Variants in FOCAD observed in about 807,000 individuals in gnomAD.
FOCAD encodes focadhesin, also known as KIAA1797.
Under a neutral mutation model 225.6 loss-of-function variants are expected in FOCAD, and 198 were observed. The ratio of observed to expected loss-of-function variants is 0.88; its 90% CI spans 0.78 to 0.99. The LOEUF (loss-of-function observed/expected upper bound fraction) is 0.99, where lower values mean the gene tolerates loss of function less well. Ranked by LOEUF, FOCAD falls within the 50% of genes least tolerant of loss-of-function variation. The pLI is 0.00. For synonymous variants in FOCAD, 897 were observed against 755.0 expected (o/e 1.19, Z -3.08); for missense variants, 2,713 against 2,123.6 (o/e 1.28, Z -5.46).
chr9:20,963,021 C>T (rs183432221), intron 35 of FOCAD, among the ~76,000 whole-genome samples: 1 of 152,166 alleles, frequency 6.6e-6, no homozygotes, highest in Non-Finnish European at 1.5e-5. Context: ...TCTTTCCATA[C>T]CTCCTCCAGA....
At chr9:20,962,876 G>GA (rs1199247939) in intron 35 of FOCAD, among the ~76,000 whole-genome samples, 1 of 152,102 alleles carries the variant, frequency 6.6e-6, no homozygotes, top group Non-Finnish European at 1.5e-5. Context: ...AAACTTGTTT[G>GA]AAAGACAAAG....
chr9:20,696,524 C>G (rs1415664539), intron 1 of FOCAD, among the ~76,000 whole-genome samples: 1 of 152,182 alleles, frequency 6.6e-6, no homozygotes, highest in African/African-American at 2.4e-5. Flanking sequence ...TTGCCATTGG[C>G]CAGGTGCTGT....
chr9:20,933,040 T>G lies in FOCAD; in HGVS notation c.3344T>G (p.Leu1115Arg), dbSNP rs1390973650. 1 of 1,613,852 alleles carries G rather than the reference T, an allele frequency of 6.2e-7. No individual in the cohort carries two copies. The highest frequency in any genetic ancestry group is 2.2e-5 in the East Asian group (1 of 44,872). Residue 1115 changes from leucine (L) to arginine (R), a missense_variant, in exon 28 of 44, where the codon CTT (leucine) becomes CGT (arginine). Physicochemically the swap from Leu to Arg is moderately radical, Grantham distance 102 (BLOSUM62 -2). Transcript: ENST00000338382. ...LSDISGQEMN[L>R]LLMKSLDALE... Reference sequence around the variant, plus strand: ...GATATATCTGGCCAAGAGATGAACCTTCTTCTGATGAAGTCGTTGGATGCC... The same window carrying G: ...GATATATCTGGCCAAGAGATGAACCGTCTTCTGATGAAGTCGTTGGATGCC...
intron 22 of FOCAD, among the ~76,000 whole-genome samples, chr9:20,909,444 A>G (rs1463311352): frequency 1.3e-5 from 2 of 152,116 alleles, no homozygotes; most frequent in African/African-American, 4.8e-5. Context: ...TATAATGAAT[A>G]ATGCAAATTT....
In FOCAD at chr9:20,766,929, C is replaced by T. The variant is rs542722072; in HGVS notation, c.699+1856C>T. 8.2e-3 allele frequency among the ~76,000 whole-genome samples: 1,248 copies of T among 152,140 alleles called. 11 individuals are homozygous for T. The highest frequency in any genetic ancestry group is 0.014 in the Non-Finnish European group (951 of 68,010). On this transcript the variant is annotated intron_variant, in intron 7 of 43. Transcript: ENST00000338382. Reference sequence around the variant, plus strand: ...CATGCTGGTGCACTGCACCCACTAACTCGTCATCTAGCATTAGGTATATCT... The same window carrying T: ...CATGCTGGTGCACTGCACCCACTAATTCGTCATCTAGCATTAGGTATATCT...
intron 15 of FOCAD, among the ~76,000 whole-genome samples, chr9:20,861,119 T>C (rs1216084759): frequency 2.6e-5 from 4 of 152,234 alleles, no homozygotes; most frequent in Non-Finnish European, 5.9e-5. Flanking sequence ...ATTGACTTAT[T>C]ATCCTCCATA....
intron 15 of FOCAD, among the ~76,000 whole-genome samples, chr9:20,854,528 G>A (rs1486362012): frequency 4.6e-5 from 7 of 151,618 alleles, no homozygotes; most frequent in East Asian, 3.9e-4. Flanking sequence ...ACTTTAAAAC[G>A]TGCTCTTCCC....
At chr9:20,687,873 C>A (rs1266757925) in intron 1 of FOCAD, among the ~76,000 whole-genome samples, 1 of 152,054 alleles carries the variant, frequency 6.6e-6, no homozygotes, top group Non-Finnish European at 1.5e-5. Context: ...ATAGAGAAAA[C>A]TGTGTGCAAG....
chr9:20,911,051 T>C (rs1037081611), intron 22 of FOCAD, among the ~76,000 whole-genome samples: 4 of 152,094 alleles, frequency 2.6e-5, no homozygotes, highest in Non-Finnish European at 5.9e-5. Flanking sequence ...TGGAAAAGCA[T>C]TATAGGAAAT....
intron 28 of FOCAD, among the ~76,000 whole-genome samples, chr9:20,943,365 G>A (rs916126451): frequency 6.6e-6 from 1 of 152,132 alleles, no homozygotes; most frequent in Non-Finnish European, 1.5e-5. Flanking sequence ...CTTGAGATAC[G>A]GTGCCTTCTC....
intron 35 of FOCAD, among the ~76,000 whole-genome samples, chr9:20,974,345 TGTA>T (rs1840044862): frequency 8.2e-6 from 1 of 121,358 alleles, no homozygotes; most frequent in Non-Finnish European, 1.7e-5. Context: ...TTGTCCTTTC[TGTA>T]GCTGTTTTTT....
At chr9:20,720,651 A>G in intron 4 of FOCAD, 117 bp downstream of exon 4, 2 of 995,944 alleles carry the variant, frequency 2.0e-6, no homozygotes, top group South Asian at 1.7e-5. Flanking sequence ...TCTTGCTCTT[A>G]AAATGTCATG....
At chr9:20,977,447 C>T (rs1326704622) in intron 36 of FOCAD, among the ~76,000 whole-genome samples, 2 of 152,182 alleles carry the variant, frequency 1.3e-5, no homozygotes, top group Non-Finnish European at 2.9e-5. Flanking sequence ...AGTTCATCCA[C>T]AGCAACCTAT....
At chr9:20,806,971 G>A (rs763271776) in intron 11 of FOCAD, among the ~76,000 whole-genome samples, 1 of 152,130 alleles carries the variant, frequency 6.6e-6, no homozygotes, top group Non-Finnish European at 1.5e-5. Context: ...TTTATTTCTT[G>A]TAATATTTCA....
At chr9:20,843,022 C>G (rs1405880687) in intron 15 of FOCAD, among the ~76,000 whole-genome samples, 1 of 151,786 alleles carries the variant, frequency 6.6e-6, no homozygotes, top group East Asian at 1.9e-4. Context: ...ATCCTTTATG[C>G]TTTTTATCTT....
chr9:20,702,711 A>G (rs1427532824), intron 1 of FOCAD, among the ~76,000 whole-genome samples: 1 of 152,168 alleles, frequency 6.6e-6, no homozygotes, highest in East Asian at 1.9e-4. Flanking sequence ...CCACTGTATA[A>G]CCTCAGGCAA....
chr9:20,744,657 T>C (rs1477833033), intron 5 of FOCAD, among the ~76,000 whole-genome samples: 2 of 152,210 alleles, frequency 1.3e-5, no homozygotes, highest in Admixed American at 1.3e-4. Flanking sequence ...GGGTTGGTCT[T>C]AGGTGTTGGT....
chr9:20,887,277 C>G (rs1419474529), intron 21 of FOCAD, among the ~76,000 whole-genome samples: 1 of 151,726 alleles, frequency 6.6e-6, no homozygotes, highest in Middle Eastern at 3.2e-3. Context: ...CTCTGCTGTC[C>G]AGGCTGGAGT....
intron 11 of FOCAD, among the ~76,000 whole-genome samples, chr9:20,796,333 A>T (rs1396006853): frequency 2.6e-5 from 4 of 152,180 alleles, no homozygotes; most frequent in Non-Finnish European, 5.9e-5. Flanking sequence ...TATACCCAGT[A>T]ATGGGATTGC....
Sources: gnomAD v4.1 joint callset for allele counts (sites outside exome capture counted in the v4.1 genomes callset) on GRCh38, gnomAD v4.1.1 for gene constraint, MANE v1.5 for transcripts, NCBI Gene and HGNC (gene_info 2026-07-23, HGNC 2026-07-21) for gene names.